The following FBN2 variants were observed in gnomAD, a reference collection of about 807,000 sequenced individuals.
FBN2 encodes fibrillin 2.
In FBN2, 105 loss-of-function variants were observed where a neutral mutation model predicts 355.6. The ratio of observed to expected loss-of-function variants is 0.30; its 90% CI spans 0.25 to 0.35. The LOEUF (loss-of-function observed/expected upper bound fraction) is 0.35. Among genes scored for constraint, FBN2 ranks in the 10% least tolerant of loss-of-function variants. The probability of loss-of-function intolerance (pLI) is 1.00; values close to 1 mark genes in which losing one functional copy is unlikely to be tolerated. For synonymous variants in FBN2, 1,350 were observed against 1,301.2 expected (o/e 1.04, Z -0.81); for missense variants, 3,280 against 3,758.7 (o/e 0.87, Z 3.33).
intron 5 of FBN2, among the ~76,000 whole-genome samples, chr5:128,500,228 TCAACAA>T (rs60501095): frequency 7.6e-4 from 113 of 149,044 alleles, no homozygotes; most frequent in African/African-American, 1.8e-3. Flanking sequence ...ACAGCTAATA[TCAACAA>T]CAACAACAAC....
At chr5:128,515,423 C>A (rs989600060) in intron 5 of FBN2, among the ~76,000 whole-genome samples, 1 of 152,062 alleles carries the variant, frequency 6.6e-6, no homozygotes, top group Non-Finnish European at 1.5e-5. Context: ...TGGACAGCAG[C>A]AGAATAATGC....
intron 48 of FBN2, among the ~76,000 whole-genome samples, chr5:128,298,252 C>G (rs1342013362): frequency 6.6e-6 from 1 of 150,996 alleles, no homozygotes; most frequent in Non-Finnish European, 1.5e-5. Flanking sequence ...TGACCTTTCT[C>G]TCTGGCTGCC....
At chr5:128,381,525 T>G (rs1274827994) in intron 11 of FBN2, among the ~76,000 whole-genome samples, 2 of 152,160 alleles carry the variant, frequency 1.3e-5, no homozygotes, top group African/African-American at 2.4e-5. Flanking sequence ...CTTCACTTTT[T>G]CTGATGTGTT....
intron 5 of FBN2, among the ~76,000 whole-genome samples, chr5:128,485,690 T>C (rs144027635): frequency 2.0e-5 from 3 of 152,252 alleles, no homozygotes; most frequent in African/African-American, 4.8e-5. Context: ...ATGAGGGCGG[T>C]TACACTCTGG....
chr5:128,488,109 T>C (rs1020796948), intron 5 of FBN2, among the ~76,000 whole-genome samples: 1 of 152,214 alleles, frequency 6.6e-6, no homozygotes, highest in African/African-American at 2.4e-5. Context: ...GTTTCAGTCA[T>C]ATTTATGACT....
rs778698568 is a variant in FBN2 at position 128,486,237 on chromosome 5, C to T, written c.629-21316G>A. 5.5e-4 allele frequency among the ~76,000 whole-genome samples: 83 copies of T among 152,186 alleles called. 1 individual carries two copies. The highest frequency in any genetic ancestry group is 1.0e-3 in the Non-Finnish European group (68 of 67,996). ...ACACAGTTCTTCTTATAAATGCAGA[C>T]GCCTTAACATTAAATGAGAGCCCTT... On this transcript the variant is annotated intron_variant, in intron 5 of 64. Transcript: ENST00000262464.
At chr5:128,526,663 A>G (rs1756570555) in intron 4 of FBN2, among the ~76,000 whole-genome samples, 1 of 152,188 alleles carries the variant, frequency 6.6e-6, no homozygotes, top group Admixed American at 6.5e-5. Context: ...TTACACTTCC[A>G]TGAAATACCT....
chr5:128,461,619 A>G (rs1290269520), intron 6 of FBN2, among the ~76,000 whole-genome samples: 1 of 152,180 alleles, frequency 6.6e-6, no homozygotes, highest in Non-Finnish European at 1.5e-5. Flanking sequence ...ATCAATGATA[A>G]GACTGGATAA....
chr5:128,276,880 G>A (rs751535759), intron 58 of FBN2, among the ~76,000 whole-genome samples: 1 of 152,162 alleles, frequency 6.6e-6, no homozygotes, highest in Non-Finnish European at 1.5e-5. Context: ...CCTGGCTTTT[G>A]TGCACACTGC....
intron 41 of FBN2, among the ~76,000 whole-genome samples, chr5:128,308,376 T>G (rs1581205274): frequency 6.6e-6 from 1 of 152,174 alleles, no homozygotes; most frequent in Non-Finnish European, 1.5e-5. Flanking sequence ...GAAAATCCAT[T>G]TGACCAGTGA....
chr5:128,423,770 A>G (rs1753415090), intron 7 of FBN2, among the ~76,000 whole-genome samples: 1 of 152,186 alleles, frequency 6.6e-6, no homozygotes, highest in Non-Finnish European at 1.5e-5. Flanking sequence ...CTTGTGATCT[A>G]GAAAGGTAGT....
chr5:128,530,546 C>A lies in FBN2; in HGVS notation c.436+49G>T, dbSNP rs551292560. On this transcript the variant is annotated intron_variant, in intron 3 of 64. Coordinates refer to ENST00000262464, the MANE Select transcript of FBN2 (RefSeq NM_001999.4). Reference sequence around the variant, plus strand: ...CATAGAAGGACCTTTAGCATTTGCTCCAAAGCTTAAGAAAAATGCAGTGAA... The same window carrying A: ...CATAGAAGGACCTTTAGCATTTGCTACAAAGCTTAAGAAAAATGCAGTGAA... 3 of 1,296,340 alleles carry A rather than the reference C, an allele frequency of 2.3e-6. No individual in the cohort carries two copies. In the South Asian group the frequency reaches 3.6e-5, roughly 15 times the overall value. 80.3% of individuals were successfully genotyped at this position (1,296,340 alleles called of 1,614,324 possible).
At chr5:128,262,433 C>T (rs753796152) in intron 63 of FBN2, among the ~76,000 whole-genome samples, 20 of 152,110 alleles carry the variant, frequency 1.3e-4, no homozygotes, top group Non-Finnish European at 2.6e-4. Context: ...GAGCCCCATG[C>T]TTTCCCAATT....
intron 36 of FBN2, among the ~76,000 whole-genome samples, chr5:128,315,419 T>C (rs1269744669): frequency 2.6e-5 from 4 of 152,326 alleles, no homozygotes; most frequent in African/African-American, 9.6e-5. Context: ...ACATCTCTAA[T>C]AGGTTCTAGC....
In FBN2 at chr5:128,392,081, C is replaced by T. The variant is rs1318923435; in HGVS notation, c.1540G>A (p.Val514Ile). The T allele has an allele frequency of 5.6e-6, 9 of 1,613,638 alleles. No individual in the cohort carries two copies. Among genetic ancestry groups the T allele is most frequent in the Non-Finnish European group, 7.6e-6 (9 of 1,179,604 alleles). Residue 514 changes from valine (V) to isoleucine (I), a missense_variant, in exon 11 of 65, where the codon GTC (valine) becomes ATC (isoleucine). Physicochemically the swap from Val to Ile is conservative, Grantham distance 29 (BLOSUM62 3). This residue lies in a region of FBN2 where 2,284 missense variants were observed against 2,749.5 expected (regional missense o/e 0.83). Transcript: ENST00000262464. ...TTGCATTCACATCGGTAGCTTGAGA[C>T]AGTTGGTATACAGCGTCCATTTAAA... ...LCLNGRCIPT[V>I]SSYRCECNMG...
At position 128,527,985 on chromosome 5, in the gene FBN2, A is replaced by G. The variant is rs374447887; in HGVS notation, c.437-18T>C. 6.5e-7 allele frequency: 1 copy of G among 1,537,934 alleles called. No homozygotes were observed. Among genetic ancestry groups the G allele is most frequent in the African/African-American group, 1.4e-5 (1 of 73,532 alleles). The stretch of plus-strand genomic sequence containing the variant: ...CTGCTGAACTGCAAAGAGCAATAAC[A>G]AAAAGTATAAAAACATCAGTCATCA... On this transcript the variant is annotated intron_variant, in intron 3 of 64. Transcript: ENST00000262464.
At chr5:128,505,641 C>T (rs941242029) in intron 5 of FBN2, among the ~76,000 whole-genome samples, 2 of 152,138 alleles carry the variant, frequency 1.3e-5, no homozygotes, top group African/African-American at 4.8e-5. Context: ...CATACCTTTG[C>T]ATCCCTAGGC....
chr5:128,463,781 T>G (rs1329191197), intron 6 of FBN2, among the ~76,000 whole-genome samples: 1 of 152,216 alleles, frequency 6.6e-6, no homozygotes, highest in Non-Finnish European at 1.5e-5. Context: ...TGACACAGCT[T>G]ACTAACATCA....
chr5:128,446,642 T>C (rs1172586621), intron 6 of FBN2, 36 bp from the exon 7 acceptor site: 1 of 1,608,738 alleles, frequency 6.2e-7, no homozygotes, highest in African/African-American at 1.3e-5. Flanking sequence ...CAGATGACAC[T>C]GGTTTTCAGA....
Sources: allele counts gnomAD v4.1 joint callset (sites outside exome capture counted in the v4.1 genomes callset), GRCh38; gene constraint gnomAD v4.1.1; regional missense constraint gnomAD v4.1.1; transcripts MANE v1.5; gene names NCBI Gene and HGNC (gene_info 2026-07-23, HGNC 2026-07-21).